The following SHOC1 variants were observed in gnomAD, a reference collection of about 807,000 sequenced individuals.
SHOC1 encodes the protein shortage in chiasmata 1.
SHOC1 carries 136 observed loss-of-function variants against 179.2 expected under a neutral mutation model. The observed-to-expected ratio is 0.76, with a 90% CI of 0.66 to 0.87. The LOEUF (loss-of-function observed/expected upper bound fraction) is 0.87, where lower values mean the gene tolerates loss of function less well. Among genes scored for constraint, SHOC1 ranks in the 40% least tolerant of loss-of-function variants. The probability of loss-of-function intolerance (pLI) is 0.00; values close to 1 mark genes in which losing one functional copy is unlikely to be tolerated. For missense variants in SHOC1, 1,538 were observed against 1,700.8 expected (o/e 0.90, Z 1.68); for synonymous variants, 489 against 586.6 (o/e 0.83, Z 2.41).
chr9:111,751,974 A>C (rs1445266364), intron 8 of SHOC1, among the ~76,000 whole-genome samples: 3 of 152,252 alleles, frequency 2.0e-5, no homozygotes, highest in Non-Finnish European at 4.4e-5. Flanking sequence ...TCCTGTAGAT[A>C]GCATTTATAA....
At chr9:111,754,202 C>A (rs1834747339) in intron 8 of SHOC1, among the ~76,000 whole-genome samples, 1 of 151,738 alleles carries the variant, frequency 6.6e-6, no homozygotes, top group Admixed American at 6.6e-5. Flanking sequence ...TCAAGTAATC[C>A]CAAAGAAGGC....
intron 7 of SHOC1, among the ~76,000 whole-genome samples, chr9:111,757,224 T>TC (rs1834905754): frequency 6.6e-6 from 1 of 152,114 alleles, no homozygotes; most frequent in Non-Finnish European, 1.5e-5. Flanking sequence ...TGCCTCAGCC[T>TC]CCCGAGTAGC....
At chr9:111,733,930 A>C (rs1322958027) in intron 12 of SHOC1, among the ~76,000 whole-genome samples, 1 of 152,170 alleles carries the variant, frequency 6.6e-6, no homozygotes, top group East Asian at 1.9e-4. Context: ...ATAGGATCCA[A>C]GTGCCACTTT....
intron 18 of SHOC1, among the ~76,000 whole-genome samples, chr9:111,708,843 G>A (rs746500989): frequency 4.2e-4 from 64 of 152,148 alleles, no homozygotes; most frequent in Non-Finnish European, 7.2e-4. Context: ...ATTGATTCAA[G>A]AATGGCTAAT....
chr9:111,714,189 A>T (rs182496000), intron 17 of SHOC1, among the ~76,000 whole-genome samples: 174 of 151,976 alleles, frequency 1.1e-3, no homozygotes, highest in African/African-American at 3.9e-3. Flanking sequence ...TAATTTAAAA[A>T]TTTTTTTTAT....
chr9:111,754,177 A>G (rs1416073475), intron 8 of SHOC1, among the ~76,000 whole-genome samples: 1 of 152,200 alleles, frequency 6.6e-6, no homozygotes, highest in African/African-American at 2.4e-5. Flanking sequence ...TCACAAAAAC[A>G]CTTCCTTAAA....
At chr9:111,763,490 T>G (rs62572574) in intron 5 of SHOC1, among the ~76,000 whole-genome samples, 11,548 of 152,102 alleles carry the variant, frequency 0.076, 629 homozygotes, top group South Asian at 0.21. Context: ...ACAGCAATAT[T>G]GGAAGCTAGA....
At position 111,748,092 on chromosome 9, in the gene SHOC1, C is replaced by G. The variant is rs1328581267; in HGVS notation, c.970G>C (p.Gly324Arg). 2 of 1,607,218 alleles carry G rather than the reference C, an allele frequency of 1.2e-6. No individual in the cohort carries two copies. Among genetic ancestry groups the G allele is most frequent in the African/African-American group, 1.3e-5 (1 of 74,780 alleles). Reference protein sequence around the residue: ...QSEPEECSKPGELEMPLTPLF... With the variant: ...QSEPEECSKPRELEMPLTPLF... The stretch of plus-strand genomic sequence containing the variant: ...CTCAATGATTTATCAAAATTTCTAC[C>G]TGGTTTACTGCACTCTTCTGGTTCA... Residue 324 changes from glycine (G) to arginine (R), a missense_variant and splice_region_variant, in exon 9 of 28, where the codon GGA (glycine) becomes CGA (arginine). Gly to Arg is a moderately radical substitution (Grantham distance 125). Transcript: ENST00000682961.
intron 8 of SHOC1, among the ~76,000 whole-genome samples, chr9:111,752,609 A>G (rs1301797612): frequency 6.6e-6 from 1 of 152,254 alleles, no homozygotes; most frequent in Non-Finnish European, 1.5e-5. Context: ...ACTGGACACT[A>G]ACCATGAGAT....
chr9:111,694,362 G>A lies in SHOC1; in HGVS notation c.3184C>T (p.Leu1062Phe), dbSNP rs759204615. 8 of 1,594,268 alleles carry A rather than the reference G, an allele frequency of 5.0e-6. No homozygotes were observed. In the East Asian group the frequency reaches 1.1e-4, roughly 22 times the overall value. The change falls in exon 25 of 28, where the codon CTT becomes TTT. Residue 1062 changes from leucine to phenylalanine, a missense_variant and splice_region_variant. By Grantham distance (22) the Leu-to-Phe change is conservative. Transcript: ENST00000682961. The stretch of plus-strand genomic sequence containing the variant: ...GCTTCTACTCCTGGGGCAATTATAA[G>A]CTAAAAAATATTTTTTATGTTAGAT... ...GLNSEELDVK[L>F]IIAPGVEATA...
intron 5 of SHOC1, among the ~76,000 whole-genome samples, chr9:111,763,156 T>A (rs1363924619): frequency 6.6e-6 from 1 of 151,852 alleles, no homozygotes; most frequent in East Asian, 1.9e-4. Flanking sequence ...AAATGATATA[T>A]AAAATCTTTA....
rs151295849 is a variant in SHOC1, at chr9:111,732,276, T to G, written c.1418-4227A>C. ...GACTCAGCAATTTGACTCCTAGATA[T>G]TCATTCAAGAGAAATGATAATGTGT... is the stretch of plus-strand genomic sequence containing the variant. On this transcript the variant is annotated intron_variant, in intron 12 of 27. Coordinates refer to ENST00000682961, the MANE Select transcript of SHOC1 (RefSeq NM_001378211.1). Among the ~76,000 whole-genome samples, 410 of 152,306 alleles carry G rather than the reference T, an allele frequency of 2.7e-3. 1 individual carries two copies. The highest frequency in any genetic ancestry group is 9.0e-3 in the African/African-American group (373 of 41,558).
chr9:111,731,953 A>G (rs1192144302), intron 12 of SHOC1, among the ~76,000 whole-genome samples: 1 of 152,206 alleles, frequency 6.6e-6, no homozygotes, highest in Non-Finnish European at 1.5e-5. Flanking sequence ...TTATCTGTGA[A>G]GCACAATAAA....
At chr9:111,753,890 G>A (rs60322902) in intron 8 of SHOC1, among the ~76,000 whole-genome samples, 1 of 152,090 alleles carries the variant, frequency 6.6e-6, no homozygotes, top group South Asian at 2.1e-4. Flanking sequence ...AGGGGCTAGG[G>A]TGTAGGGGAA....
chr9:111,778,792 GAGAC>G (rs1195890167), intron 4 of SHOC1, among the ~76,000 whole-genome samples: 1 of 120,754 alleles, frequency 8.3e-6, no homozygotes, highest in Admixed American at 8.6e-5. Context: ...AAAAAAAAAA[GAGAC>G]AGAGAGAGAG....
intron 9 of SHOC1, 53 bp downstream of exon 9, chr9:111,748,039 A>G: frequency 8.3e-7 from 1 of 1,204,740 alleles, no homozygotes; most frequent in Non-Finnish European, 1.2e-6. Context: ...CTGTACTTTT[A>G]CATCATAAAT....
At chr9:111,727,497 A>G (rs1198676291) in intron 13 of SHOC1, 136 bp downstream of exon 13, 6 of 710,658 alleles carry the variant, frequency 8.4e-6, no homozygotes, top group Non-Finnish European at 1.1e-5. Context: ...ATCAAGAATC[A>G]ATGACATTTT....
At chr9:111,742,864 G>A (rs765653221) in intron 10 of SHOC1, among the ~76,000 whole-genome samples, 29 of 152,132 alleles carry the variant, frequency 1.9e-4, no homozygotes, top group Non-Finnish European at 3.8e-4. Flanking sequence ...CAGATTGTAA[G>A]CAACTATTTT....
At chr9:111,790,386 A>C (rs1038109911) in intron 2 of SHOC1, among the ~76,000 whole-genome samples, 1 of 152,222 alleles carries the variant, frequency 6.6e-6, no homozygotes, top group Non-Finnish European at 1.5e-5. Context: ...GATTTTATAG[A>C]GATAACTGGG....
Sources: gnomAD v4.1 joint callset for allele counts (sites outside exome capture counted in the v4.1 genomes callset) on GRCh38, gnomAD v4.1.1 for gene constraint, MANE v1.5 for transcripts, NCBI Gene and HGNC (gene_info 2026-07-23, HGNC 2026-07-21) for gene names.